Variants in TRIM24 observed in about 807,000 individuals in gnomAD.
TRIM24 encodes transcription intermediary factor 1-alpha.
A neutral mutation model predicts 123.9 loss-of-function variants in TRIM24; 29 were observed. That is an observed-to-expected ratio of 0.23 (90% CI 0.17 to 0.32). The LOEUF (loss-of-function observed/expected upper bound fraction) is 0.32. Among genes scored for constraint, TRIM24 ranks in the 10% least tolerant of loss-of-function variants. The probability of loss-of-function intolerance (pLI) is 1.00; values close to 1 mark genes in which losing one functional copy is unlikely to be tolerated. For missense variants in TRIM24, 932 were observed against 1,295.3 expected, an observed-to-expected ratio of 0.72 and a Z score of 4.31; for synonymous variants, 456 against 461.1, an observed-to-expected ratio of 0.99 and a Z score of 0.14.
intron 4 of TRIM24, among the ~76,000 whole-genome samples, chr7:138,523,582 C>T (rs1448999879): frequency 6.6e-6 from 1 of 152,050 alleles, no homozygotes; most frequent in South Asian, 2.1e-4. Context: ...GGTGAAACCC[C>T]GTCTCTACTA....
chr7:138,559,193 GA>G (rs1451427970), intron 9 of TRIM24, among the ~76,000 whole-genome samples: 1 of 152,102 alleles, frequency 6.6e-6, no homozygotes, highest in African/African-American at 2.4e-5. Flanking sequence ...ACCTGGTTAT[GA>G]GCACAAGTTC....
chr7:138,574,217 A>G (rs1797712345), intron 12 of TRIM24, among the ~76,000 whole-genome samples: 1 of 152,220 alleles, frequency 6.6e-6, no homozygotes, highest in South Asian at 2.1e-4. Context: ...TGTATTAGTG[A>G]CAATAAGTAG....
At chr7:138,494,582 A>G (rs1447055780) in intron 1 of TRIM24, among the ~76,000 whole-genome samples, 1 of 152,126 alleles carries the variant, frequency 6.6e-6, no homozygotes, top group Non-Finnish European at 1.5e-5. Flanking sequence ...TTAAAAAAGA[A>G]AAAAAGATGG....
chr7:138,472,600 A>C (rs1363618397), intron 1 of TRIM24, among the ~76,000 whole-genome samples: 2 of 152,172 alleles, frequency 1.3e-5, no homozygotes, highest in African/African-American at 4.8e-5. Flanking sequence ...GTGTTAGTGC[A>C]GGTTGTGTTG....
At position 138,558,065 on chromosome 7, in the gene TRIM24, G is replaced by A. The variant is rs529615354; in HGVS notation, c.1530+3099G>A. 7.9e-5 allele frequency among the ~76,000 whole-genome samples: 12 copies of A among 152,272 alleles called. No individual in the cohort carries two copies. In the East Asian group the frequency reaches 1.7e-3, roughly 22 times the overall value. On this transcript the variant is annotated intron_variant, in intron 9 of 18. Coordinates refer to ENST00000343526, the MANE Select transcript of TRIM24 (RefSeq NM_015905.3). ...CTCCTTGCCTTAGAGGGATTAGGCA[G>A]AAGGATGGTCTGATTGTCCCTAGTA... is the stretch of plus-strand genomic sequence containing the variant.
chr7:138,525,187 G>T, intron 4 of TRIM24, 54 bp from the exon 5 acceptor site: 2 of 793,402 alleles, frequency 2.5e-6, no homozygotes, highest in South Asian at 2.3e-5. Flanking sequence ...TTTTATTCTT[G>T]GACTTTTTCC....
intron 9 of TRIM24, among the ~76,000 whole-genome samples, chr7:138,557,052 G>C (rs1049565305): frequency 2.1e-4 from 32 of 152,214 alleles, no homozygotes; most frequent in African/African-American, 7.2e-4. Context: ...AAAAGCAGGA[G>C]CTTATAAAAC....
chr7:138,518,773 C>T (rs997253501), intron 3 of TRIM24, among the ~76,000 whole-genome samples: 1 of 152,140 alleles, frequency 6.6e-6, no homozygotes, highest in Non-Finnish European at 1.5e-5. Context: ...ATAGCTGTGA[C>T]TACAAGCGTG....
chr7:138,493,713 A>G (rs1329581006), intron 1 of TRIM24, among the ~76,000 whole-genome samples: 2 of 152,136 alleles, frequency 1.3e-5, no homozygotes, highest in Non-Finnish European at 2.9e-5. Flanking sequence ...CAAAGTCTTT[A>G]CTGTTCACTA....
At chr7:138,527,751 C>T (rs1796638896) in intron 5 of TRIM24, among the ~76,000 whole-genome samples, 1 of 152,020 alleles carries the variant, frequency 6.6e-6, no homozygotes, top group Non-Finnish European at 1.5e-5. Context: ...TGGTGTGGTA[C>T]CGTATGTTTT....
At chr7:138,578,562 GTGCGCGCA>G (rs1304956981) in intron 14 of TRIM24, among the ~76,000 whole-genome samples, 3 of 126,972 alleles carry the variant, frequency 2.4e-5, no homozygotes, top group African/African-American at 9.3e-5. Context: ...GTGTGTGTGT[GTGCGCGCA>G]CGCACGAATG....
chr7:138,480,096 G>T (rs1300625809), intron 1 of TRIM24, among the ~76,000 whole-genome samples: 2 of 151,196 alleles, frequency 1.3e-5, no homozygotes, highest in African/African-American at 4.9e-5. Context: ...TGGGATTACA[G>T]GTGTAAGCCA....
chr7:138,579,255 A>G lies in TRIM24; in HGVS notation c.2308A>G (p.Ser770Gly). 6.2e-7 allele frequency: 1 copy of G among 1,612,878 alleles called. No homozygotes were observed. The highest frequency in any genetic ancestry group is 1.7e-4 in the Middle Eastern group (1 of 6,060). The change falls in exon 15 of 19, where the codon AGC becomes GGC. Residue 770 changes from serine to glycine, a missense_variant. Around this residue, in one of 7 missense-constraint regions of TRIM24, gnomAD observed 527 missense variants for 691.3 expected, o/e 0.76. Coordinates refer to ENST00000343526, the MANE Select transcript of TRIM24 (RefSeq NM_015905.3). ...CTCCCTGCTCTTAAATAGCAGTCAG[A>G]GCTCTACTTCTGAGGAGACTGTGCT... ...LTSLLLNSSQ[S>G]STSEETVLRS... is the part of the protein sequence containing the mutation.
intron 2 of TRIM24, among the ~76,000 whole-genome samples, chr7:138,513,562 G>A (rs1045211847): frequency 1.3e-5 from 2 of 152,098 alleles, no homozygotes; most frequent in African/African-American, 4.8e-5. Flanking sequence ...GGGGCAAAAA[G>A]AGAGGGGGGA....
intron 2 of TRIM24, among the ~76,000 whole-genome samples, chr7:138,511,303 T>C (rs1322783602): frequency 6.7e-6 from 1 of 149,376 alleles, no homozygotes; most frequent in Non-Finnish European, 1.5e-5. Context: ...TTTCTTTCTT[T>C]CTTTTTTTTT....
chr7:138,533,351 G>T (rs1006101661), intron 6 of TRIM24, among the ~76,000 whole-genome samples: 2 of 152,150 alleles, frequency 1.3e-5, no homozygotes, highest in Admixed American at 6.5e-5. Context: ...TTGACTGTGG[G>T]TTTGTCATAA....
chr7:138,551,043 A>G lies in TRIM24; in HGVS notation c.1144-20A>G, dbSNP rs200142572. 1.3e-6 allele frequency: 2 copies of G among 1,596,984 alleles called. No individual in the cohort carries two copies. Among genetic ancestry groups the G allele is most frequent in the Non-Finnish European group, 1.7e-6 (2 of 1,165,376 alleles). On this transcript the variant is annotated intron_variant, in intron 7 of 18. Transcript: ENST00000343526. ...TAAATTATTTGCCTAATATTTAGTT[A>G]TCTCTCCTTTTTCTTCTAGATTACA... is the stretch of plus-strand genomic sequence containing the variant.
Position 138,531,293 on chromosome 7 carries a change from G to C in TRIM24, c.996+2063G>C, listed in dbSNP as rs113270916. The stretch of plus-strand genomic sequence containing the variant: ...TTACATGTGTTACATATGTATACAT[G>C]TGCCATGTTCGTGTGCTGCACCCAT... On this transcript the variant is annotated intron_variant, in intron 6 of 18. Coordinates refer to ENST00000343526, the MANE Select transcript of TRIM24 (RefSeq NM_015905.3). Among the ~76,000 whole-genome samples, 597 of 147,932 alleles carry C rather than the reference G, an allele frequency of 4.0e-3. 5 individuals carry two copies. The highest frequency in any genetic ancestry group is 0.013 in the African/African-American group (495 of 37,588).
intron 1 of TRIM24, among the ~76,000 whole-genome samples, chr7:138,462,221 G>C (rs1795003519): frequency 6.6e-6 from 1 of 152,124 alleles, no homozygotes; most frequent in Admixed American, 6.5e-5. Context: ...AAAAGATTAG[G>C]GTTCCCTAAG....
Sources: gnomAD v4.1 joint callset for allele counts (sites outside exome capture counted in the v4.1 genomes callset) on GRCh38, gnomAD v4.1.1 for gene constraint, gnomAD v4.1.1 regional missense constraint, MANE v1.5 for transcripts, NCBI Gene and HGNC (gene_info 2026-07-23, HGNC 2026-07-21) for gene names.